The following SHCBP1L variants were observed in gnomAD, a reference collection of about 807,000 sequenced individuals.
The protein encoded by SHCBP1L is SHC binding and spindle associated 1 like.
In SHCBP1L, 67 loss-of-function variants were observed where a neutral mutation model predicts 62.5. That is an observed-to-expected ratio of 1.07 (90% CI 0.88 to 1.31). The LOEUF is 1.31. Among genes scored for constraint, SHCBP1L ranks in the 40% most tolerant of loss-of-function variants. The probability of loss-of-function intolerance (pLI) is 0.00; values close to 1 mark genes in which losing one functional copy is unlikely to be tolerated. For missense variants in SHCBP1L, 823 were observed against 809.8 expected, an observed-to-expected ratio of 1.02 and a Z score of -0.20; for synonymous variants, 284 against 289.4, an observed-to-expected ratio of 0.98 and a Z score of 0.19.
intron 1 of SHCBP1L, 34 bp downstream of exon 1, chr1:182,952,695 C>T (rs1007749779): frequency 1.3e-6 from 2 of 1,558,202 alleles, no homozygotes; most frequent in Non-Finnish European, 1.7e-6. Flanking sequence ...CGACGAGCTT[C>T]CGACCGTAGT....
At position 182,915,806 on chromosome 1, in the gene SHCBP1L, C is replaced by CTT. The variant is rs535677579; in HGVS notation, c.1183-10159_1183-10158dup. ...ATATGTGAAAATTAAACAACGTATT[C>CTT]TTTTTTTTTTTTTTTTTTGAGACGG... is the stretch of plus-strand genomic sequence containing the variant. On this transcript the variant is annotated intron_variant, in intron 6 of 9. Transcript: ENST00000367547. 1.2e-4 allele frequency among the ~76,000 whole-genome samples: 16 copies of CTT among 133,218 alleles called. No homozygotes were observed. In the East Asian group the frequency reaches 1.5e-3, roughly 13 times the overall value. The allele number at this position is 133,218 out of a possible 152,430, so 87.4% of individuals were successfully genotyped here. A position where few individuals can be genotyped will look rare whatever the true frequency, so the allele number is the denominator to read the frequency against.
chr1:182,909,289 G>A (rs1186456223), intron 6 of SHCBP1L, among the ~76,000 whole-genome samples: 2 of 152,134 alleles, frequency 1.3e-5, no homozygotes, highest in Non-Finnish European at 2.9e-5. Flanking sequence ...TAGAATATAG[G>A]ACCTGACTAG....
chr1:182,946,402 A>G (rs1651566337), intron 2 of SHCBP1L, among the ~76,000 whole-genome samples: 1 of 151,106 alleles, frequency 6.6e-6, no homozygotes, highest in Non-Finnish European at 1.5e-5. Context: ...CAGTATCATT[A>G]AGTCTTTTTT....
intron 6 of SHCBP1L, among the ~76,000 whole-genome samples, chr1:182,907,092 C>T (rs1275583886): frequency 1.3e-5 from 2 of 152,066 alleles, no homozygotes; most frequent in East Asian, 3.9e-4. Context: ...GCTGGGATTA[C>T]AGGTAGAAGC....
chr1:182,931,736 C>T (rs1211942070), intron 5 of SHCBP1L, among the ~76,000 whole-genome samples: 1 of 152,056 alleles, frequency 6.6e-6, no homozygotes, highest in Non-Finnish European at 1.5e-5. Flanking sequence ...GTGGTACACT[C>T]GTTACAACCG....
chr1:182,929,671 T>A lies in SHCBP1L; in HGVS notation c.1158A>T (p.Val386=). 6.3e-7 allele frequency: 1 copy of A among 1,575,026 alleles called. No individual in the cohort carries two copies. Among genetic ancestry groups the A allele is most frequent in the Admixed American group, 2.1e-5 (1 of 47,548 alleles). Residue 386 remains valine, a synonymous_variant, in exon 6 of 10, where the codon GTA becomes GTT. Transcript: ENST00000367547. The part of the protein sequence containing the change: ...REFGKTITHI[V]AKMMTTEMIK... ...CCATTTCAGTAGTCATCATTTTTGC[T>A]ACAATATGTGTTATAGTCTTTCCAA... is the stretch of plus-strand genomic sequence containing the variant.
intron 6 of SHCBP1L, among the ~76,000 whole-genome samples, chr1:182,924,778 AAGAAAGAAAGAGAG>A (rs1650650877): frequency 3.0e-5 from 3 of 99,068 alleles, no homozygotes; most frequent in Non-Finnish European, 5.3e-5. Flanking sequence ...GAAAGAAAGA[AAGAAAGAAAGAGAG>A]AAAGAAAGGA....
intron 1 of SHCBP1L, 117 bp downstream of exon 1, chr1:182,952,612 C>G: frequency 7.9e-7 from 1 of 1,263,300 alleles, no homozygotes; most frequent in Non-Finnish European, 1.1e-6. Flanking sequence ...TTTTTTGAAA[C>G]GCAAGTTTTC....
At position 182,900,154 on chromosome 1, in the gene SHCBP1L, T is replaced by A; in HGVS notation, c.1791A>T (p.Pro597=). Residue 597 remains proline (P), a synonymous_variant, in exon 10 of 10, where the codon CCA becomes CCT. Coordinates refer to ENST00000367547, the MANE Select transcript of SHCBP1L (RefSeq NM_030933.4). Reference sequence around the variant, plus strand: ...CTGCTACGATAAAAAACTGTTCCATTGGTTGAAGAATGCTTACTCCATAGC... The same window carrying A: ...CTGCTACGATAAAAAACTGTTCCATAGGTTGAAGAATGCTTACTCCATAGC... ...NKGYGVSILQ[P]MEQFFIVAEE... is the part of the protein sequence containing the mutation. The A allele has an allele frequency of 6.2e-7, 1 of 1,612,522 alleles. No individual in the cohort carries two copies. Among genetic ancestry groups the A allele is most frequent in the Non-Finnish European group, 8.5e-7 (1 of 1,179,178 alleles).
chr1:182,914,816 A>C (rs1650300850), intron 6 of SHCBP1L, among the ~76,000 whole-genome samples: 1 of 152,158 alleles, frequency 6.6e-6, no homozygotes, highest in South Asian at 2.1e-4. Flanking sequence ...TAAGATCACC[A>C]ATTAAAAAAG....
intron 6 of SHCBP1L, among the ~76,000 whole-genome samples, chr1:182,919,234 C>T (rs1250811475): frequency 3.3e-5 from 5 of 152,088 alleles, no homozygotes; most frequent in Non-Finnish European, 5.9e-5. Context: ...GTTCTGGAGG[C>T]TAGGAAGTCT....
At chr1:182,905,676 T>G in intron 6 of SHCBP1L, 27 bp from the exon 7 acceptor site, 1 of 1,603,164 alleles carries the variant, frequency 6.2e-7, no homozygotes, top group Non-Finnish European at 8.5e-7. Flanking sequence ...CACTTGCGCT[T>G]TCAATAATAG....
intron 6 of SHCBP1L, among the ~76,000 whole-genome samples, chr1:182,911,280 C>T (rs913897741): frequency 6.6e-6 from 1 of 152,096 alleles, no homozygotes; most frequent in Non-Finnish European, 1.5e-5. Context: ...CTTCAAGTGC[C>T]ACAAAGAAAA....
intron 9 of SHCBP1L, among the ~76,000 whole-genome samples, chr1:182,902,738 G>T (rs1243563227): frequency 6.6e-6 from 1 of 151,938 alleles, no homozygotes. Context: ...TTTGTAATTT[G>T]AAATACCAAA....
At chr1:182,951,744 A>C (rs915958960) in intron 1 of SHCBP1L, among the ~76,000 whole-genome samples, 1 of 152,304 alleles carries the variant, frequency 6.6e-6, no homozygotes, top group Admixed American at 6.5e-5. Context: ...CTTTTTATAA[A>C]TATCACTGCA....
At chr1:182,952,195 T>TATATATATAC (rs1651787219) in intron 1 of SHCBP1L, among the ~76,000 whole-genome samples, 1 of 13,292 alleles carries the variant, frequency 7.5e-5, no homozygotes, top group Non-Finnish European at 1.6e-4. Context: ...AAAAAAAATA[T>TATATATATAC]ATATATATAT....
chr1:182,904,088 G>A, intron 8 of SHCBP1L, 92 bp downstream of exon 8: 5 of 1,445,218 alleles, frequency 3.5e-6, no homozygotes, highest in Non-Finnish European at 4.7e-6. Flanking sequence ...ACTAAAAGAT[G>A]AAGAAATTGC....
At chr1:182,926,355 C>T (rs1240672444) in intron 6 of SHCBP1L, among the ~76,000 whole-genome samples, 4 of 152,118 alleles carry the variant, frequency 2.6e-5, no homozygotes, top group African/African-American at 7.2e-5. Flanking sequence ...TGGTTATCAC[C>T]TTCTGTAGCA....
Position 182,900,022 on chromosome 1 carries a change from TTCTA to T in SHCBP1L, c.1919_1922del (p.Ile640LysfsTer10). On this transcript the variant is annotated frameshift_variant, in exon 10 of 10. Transcript: ENST00000367547. LOFTEE classifies it high-confidence loss of function. ...TTCTGATATCCCCCTTGACGTTTGC[TTCTA>T]TCTTATTATTATTCATTTCCAGATT... 2 of 1,612,750 alleles carry T rather than the reference TTCTA, an allele frequency of 1.2e-6. No homozygotes were observed. Among genetic ancestry groups the T allele is most frequent in the Non-Finnish European group, 1.7e-6 (2 of 1,179,412 alleles).
Sources: allele counts gnomAD v4.1 joint callset (sites outside exome capture counted in the v4.1 genomes callset), GRCh38; gene constraint gnomAD v4.1.1; transcripts MANE v1.5; gene names NCBI Gene and HGNC (gene_info 2026-07-23, HGNC 2026-07-21).